Variants in SLC39A11 observed in about 807,000 individuals in gnomAD.
The protein encoded by SLC39A11 is solute carrier family 39 member 11.
Under a neutral mutation model 36.1 loss-of-function variants are expected in SLC39A11, and 33 were observed. That is an observed-to-expected ratio of 0.91 (90% CI 0.69 to 1.22). The LOEUF is 1.22. Ranked by LOEUF, SLC39A11 falls within the 50% of genes most tolerant of loss-of-function variation. The pLI, the probability that SLC39A11 is intolerant of heterozygous loss-of-function variation, is 0.00. For synonymous variants in SLC39A11, 166 were observed against 170.3 expected (o/e 0.97, Z 0.20); for missense variants, 432 against 430.3 (o/e 1.00, Z -0.03).
intron 7 of SLC39A11, among the ~76,000 whole-genome samples, chr17:72,671,317 C>T (rs2071013855): frequency 6.6e-6 from 1 of 152,220 alleles, no homozygotes; most frequent in Non-Finnish European, 1.5e-5. Context: ...TCTGCAGGTG[C>T]ATCTGTGGCT....
chr17:72,662,677 G>A (rs1046314474), intron 7 of SLC39A11, among the ~76,000 whole-genome samples: 2 of 115,568 alleles, frequency 1.7e-5, no homozygotes, highest in East Asian at 2.6e-4. Flanking sequence ...GGAAGGAAAA[G>A]AAGGAAAAGA....
chr17:73,068,096 G>T, intron 3 of SLC39A11: 1 of 1,425,728 alleles, frequency 7.0e-7, no homozygotes, highest in African/African-American at 1.4e-5. Flanking sequence ...CATAATAGGA[G>T]TATCTCCCAC....
intron 6 of SLC39A11, among the ~76,000 whole-genome samples, chr17:72,745,374 T>A (rs768152752): frequency 6.6e-6 from 1 of 152,228 alleles, no homozygotes; most frequent in Non-Finnish European, 1.5e-5. Context: ...TGTCAGATCA[T>A]CTCAGCAATG....
intron 4 of SLC39A11, among the ~76,000 whole-genome samples, chr17:72,970,274 C>T (rs2087342697): frequency 6.6e-6 from 1 of 152,200 alleles, no homozygotes. Flanking sequence ...GAACTAGGAA[C>T]CAGCTTCCTA....
chr17:72,648,320 ACT>A (rs2069666014), intron 9 of SLC39A11, among the ~76,000 whole-genome samples: 2 of 138,440 alleles, frequency 1.4e-5, no homozygotes, highest in African/African-American at 5.6e-5. Context: ...ACAGAGCGAG[ACT>A]CTGCCATTAA....
intron 6 of SLC39A11, among the ~76,000 whole-genome samples, chr17:72,808,584 T>G (rs531300719): frequency 1.8e-4 from 27 of 152,284 alleles, no homozygotes; most frequent in Non-Finnish European, 3.1e-4. Flanking sequence ...CACTAGCTTG[T>G]TTTTCTATAA....
rs777540426 is a variant in SLC39A11, at chr17:72,648,911, G to T, written c.821C>A (p.Ala274Asp). The change falls in exon 9 of 10, where the codon GCC becomes GAC. Residue 274 changes from alanine to aspartate, a missense_variant. Coordinates refer to ENST00000255559, the MANE Select transcript of SLC39A11 (RefSeq NM_139177.4). Reference sequence around the variant, plus strand: ...GGGCTCAGCCAGCACCACGGCAAAGGCACCAAAGACCCCGGCCAGGGGCTC... The same window carrying T: ...GGGCTCAGCCAGCACCACGGCAAAGTCACCAAAGACCCCGGCCAGGGGCTC... ...MVEPLAGVFG[A>D]FAVVLAEPIL... 6.2e-7 allele frequency: 1 copy of T among 1,614,030 alleles called. No homozygotes were observed. The highest frequency in any genetic ancestry group is 1.1e-5 in the South Asian group (1 of 91,078).
At chr17:73,040,307 A>G (rs1011043876) in intron 3 of SLC39A11, among the ~76,000 whole-genome samples, 9 of 152,256 alleles carry the variant, frequency 5.9e-5, no homozygotes, top group African/African-American at 9.6e-5. Flanking sequence ...CAGCACAGCT[A>G]AAGTTGGGGA....
chr17:72,988,263 G>A, intron 4 of SLC39A11, among the ~76,000 whole-genome samples: 1 of 152,182 alleles, frequency 6.6e-6, no homozygotes, highest in South Asian at 2.1e-4. Flanking sequence ...AACCAGTCCG[G>A]CCAACATGGT....
Position 73,021,965 on chromosome 17 carries a change from T to A in SLC39A11, c.306+9591A>T, listed in dbSNP as rs1406480785. Among the ~76,000 whole-genome samples, 5 of 152,234 alleles carry A rather than the reference T, an allele frequency of 3.3e-5. No homozygotes were observed. In the East Asian group the frequency reaches 9.6e-4, roughly 29 times the overall value. ...AGTGCGTGTGTGTGTGCGCGCGTGTTCGTGCCAGACCCACGGGGTCCTCCG... is the reference window on the plus strand; with the variant it reads ...AGTGCGTGTGTGTGTGCGCGCGTGTACGTGCCAGACCCACGGGGTCCTCCG... On this transcript the variant is annotated intron_variant, in intron 4 of 9. Transcript: ENST00000255559.
At chr17:72,707,994 G>C (rs924115531) in intron 7 of SLC39A11, among the ~76,000 whole-genome samples, 37 of 152,184 alleles carry the variant, frequency 2.4e-4, no homozygotes, top group African/African-American at 8.9e-4. Flanking sequence ...TTTTGTACCA[G>C]ACATGGTAGT....
chr17:72,770,817 C>A (rs1330633253), intron 6 of SLC39A11, among the ~76,000 whole-genome samples: 1 of 152,224 alleles, frequency 6.6e-6, no homozygotes, highest in Non-Finnish European at 1.5e-5. Flanking sequence ...TCAGGGCTTA[C>A]AGTTGACAGC....
intron 6 of SLC39A11, among the ~76,000 whole-genome samples, chr17:72,785,526 G>T (rs1598729705): frequency 6.6e-6 from 1 of 152,214 alleles, no homozygotes; most frequent in Non-Finnish European, 1.5e-5. Context: ...CTGAAAGATG[G>T]TTCATGATGT....
intron 4 of SLC39A11, among the ~76,000 whole-genome samples, chr17:72,979,040 C>T (rs969609734): frequency 5.3e-5 from 8 of 152,132 alleles, no homozygotes; most frequent in Non-Finnish European, 1.0e-4. Context: ...GAATTGTAAA[C>T]CCCATAATCA....
chr17:72,859,436 T>G (rs1357565793), intron 5 of SLC39A11, among the ~76,000 whole-genome samples: 1 of 151,700 alleles, frequency 6.6e-6, no homozygotes, highest in Non-Finnish European at 1.5e-5. Context: ...TAACCTGTAT[T>G]TGAACTGACA....
chr17:73,081,892 T>C (rs973930823), intron 3 of SLC39A11, among the ~76,000 whole-genome samples: 8 of 151,022 alleles, frequency 5.3e-5, no homozygotes, highest in African/African-American at 1.9e-4. Context: ...AAACATCACA[T>C]CTTCACTCAT....
chr17:72,736,688 A>T lies in SLC39A11; in HGVS notation c.633T>A (p.Ala211=), dbSNP rs1371254787. The change falls in exon 7 of 10, where the codon GCT becomes GCA. Residue 211 remains alanine, a synonymous_variant. Coordinates refer to ENST00000255559, the MANE Select transcript of SLC39A11 (RefSeq NM_139177.4). The part of the protein sequence containing the change: ...EGLAVGVGFG[A]IEKTASATFE... Reference sequence around the variant, plus strand: ...AGGTAGCAGATGCCGTCTTTTCTATAGCCCCAAATCCAACTCCAACAGCGA... The same window carrying T: ...AGGTAGCAGATGCCGTCTTTTCTATTGCCCCAAATCCAACTCCAACAGCGA... The T allele has an allele frequency of 1.9e-6, 3 of 1,614,126 alleles. No individual in the cohort carries two copies. In the East Asian group the frequency reaches 6.7e-5, roughly 36 times the overall value.
intron 4 of SLC39A11, among the ~76,000 whole-genome samples, chr17:72,965,445 A>C (rs2086896872): frequency 6.6e-6 from 1 of 152,208 alleles, no homozygotes; most frequent in Admixed American, 6.5e-5. Context: ...ATACCTATAC[A>C]ACCGTTCGGT....
intron 6 of SLC39A11, among the ~76,000 whole-genome samples, chr17:72,771,093 A>C (rs1401300638): frequency 1.3e-5 from 2 of 151,952 alleles, no homozygotes; most frequent in Non-Finnish European, 2.9e-5. Context: ...GCTTATTTAA[A>C]AAAAATCCTG....
Sources: gnomAD v4.1 joint callset for allele counts (sites outside exome capture counted in the v4.1 genomes callset) on GRCh38, gnomAD v4.1.1 for gene constraint, MANE v1.5 for transcripts, NCBI Gene and HGNC (gene_info 2026-07-23, HGNC 2026-07-21) for gene names.